The following KDM6A variants were observed in gnomAD, a reference collection of about 807,000 sequenced individuals.
KDM6A encodes the protein lysine-specific demethylase 6A.
In KDM6A, 11 loss-of-function variants were observed where a neutral mutation model predicts 117.6. The observed-to-expected ratio is 0.09, with a 90% CI of 0.06 to 0.15. KDM6A has a LOEUF of 0.15. Ranked by LOEUF, KDM6A falls within the 10% of genes least tolerant of loss-of-function variation. KDM6A has a pLI of 1.00. For missense variants in KDM6A, 799 were observed against 1,077.3 expected (o/e 0.74, Z 3.62); for synonymous variants, 384 against 396.1 (o/e 0.97, Z 0.36).
intron 7 of KDM6A, among the ~76,000 whole-genome samples, chrX:45,036,761 T>G (rs1431402767): frequency 8.9e-6 from 1 of 112,864 alleles, no homozygotes; most frequent in African/African-American, 3.2e-5. Flanking sequence ...AAGGTAACTT[T>G]GGTAAGTCAG....
chrX:44,985,516 T>G (rs769820487), intron 4 of KDM6A, among the ~76,000 whole-genome samples: 1 of 111,871 alleles, frequency 8.9e-6, no homozygotes, highest in African/African-American at 3.2e-5. Context: ...TTCCAGTTTT[T>G]GCCCATTCAG....
At chrX:45,033,873 T>G (rs1303192908) in intron 6 of KDM6A, among the ~76,000 whole-genome samples, 1 of 111,210 alleles carries the variant, frequency 9.0e-6, no homozygotes, top group East Asian at 2.8e-4. Flanking sequence ...CTTGAGTGAA[T>G]ACATTAATAA....
chrX:45,048,507 T>G (rs1465991541), intron 8 of KDM6A, among the ~76,000 whole-genome samples: 1 of 110,857 alleles, frequency 9.0e-6, no homozygotes, highest in East Asian at 2.8e-4. Flanking sequence ...ATGTGTGGAA[T>G]TTGGTGTTTC....
chrX:45,082,612 T>G lies in KDM6A; in HGVS notation c.3337T>G (p.Ser1113Ala). 1 of 1,194,465 alleles carries G rather than the reference T, an allele frequency of 8.4e-7. No individual in the cohort carries two copies. The highest frequency in any genetic ancestry group is 1.1e-6 in the Non-Finnish European group (1 of 880,907). Residue 1113 changes from serine (S) to alanine (A), a missense_variant, in exon 22 of 30, where the codon TCA becomes GCA. By Grantham distance (99) the Ser-to-Ala change is moderately conservative. This residue lies in a region of KDM6A where 291 missense variants were observed against 437.9 expected (regional missense o/e 0.66). Transcript: ENST00000611820. ...NEKRSHHKDH[S>A]DSESTSSDNS... ...AAAAAGAAGTCATCATAAAGACCACTCAGATAGTGAATCTACATCGTCAGA... is the reference window on the plus strand; with the variant it reads ...AAAAAGAAGTCATCATAAAGACCACGCAGATAGTGAATCTACATCGTCAGA...
At chrX:45,081,578 A>G (rs1476657953) in intron 21 of KDM6A, among the ~76,000 whole-genome samples, 1 of 111,358 alleles carries the variant, frequency 9.0e-6, no homozygotes, top group East Asian at 2.8e-4. Flanking sequence ...ATATATAGCT[A>G]TGTACACATA....
At chrX:44,874,513 CAT>C (rs1418774700) in intron 2 of KDM6A, among the ~76,000 whole-genome samples, 2 of 111,584 alleles carry the variant, frequency 1.8e-5, no homozygotes, top group Non-Finnish European at 3.8e-5. Flanking sequence ...GGGCTGTTGA[CAT>C]GTATCTCGAT....
chrX:44,934,923 T>C (rs1168015094), intron 2 of KDM6A, among the ~76,000 whole-genome samples: 2 of 111,837 alleles, frequency 1.8e-5, no homozygotes, highest in Non-Finnish European at 3.8e-5. Context: ...AAAAAAATGA[T>C]ATGTCTAGGG....
chrX:44,973,290 C>T (rs1425816154), intron 3 of KDM6A, among the ~76,000 whole-genome samples: 1 of 111,349 alleles, frequency 9.0e-6, no homozygotes, highest in Non-Finnish European at 1.9e-5. Flanking sequence ...GTCCTGGGAT[C>T]ACCCTTTTTC....
chrX:45,095,552 G>A (rs540974761), intron 27 of KDM6A, among the ~76,000 whole-genome samples: 1 of 111,809 alleles, frequency 8.9e-6, no homozygotes, highest in South Asian at 3.7e-4. Context: ...CAGTTTTGCC[G>A]TATAATTGTT....
At chrX:44,917,511 A>G in intron 2 of KDM6A, among the ~76,000 whole-genome samples, 1 of 111,689 alleles carries the variant, frequency 9.0e-6, no homozygotes, top group East Asian at 2.8e-4. Flanking sequence ...ATTCTTTTTC[A>G]TTTAAAAATG....
chrX:45,077,504 G>A (rs1372297314), intron 19 of KDM6A, among the ~76,000 whole-genome samples: 1 of 110,010 alleles, frequency 9.1e-6, no homozygotes, highest in African/African-American at 3.3e-5. Context: ...CTATAAAATG[G>A]TACTAGAGTT....
chrX:44,891,344 T>C (rs1294088417), intron 2 of KDM6A, among the ~76,000 whole-genome samples: 1 of 111,741 alleles, frequency 8.9e-6, no homozygotes. Context: ...TTGTTTTTGC[T>C]GTAGATGTTC....
chrX:44,974,778 C>T (rs111867147), intron 4 of KDM6A, 63 bp downstream of exon 4: 3 of 820,481 alleles, frequency 3.7e-6, no homozygotes, highest in Non-Finnish European at 5.5e-6. Flanking sequence ...GCCAATTATA[C>T]TCAAAATTAA....
At chrX:44,931,645 A>C (rs1441552682) in intron 2 of KDM6A, among the ~76,000 whole-genome samples, 1 of 111,563 alleles carries the variant, frequency 9.0e-6, no homozygotes, top group African/African-American at 3.3e-5. Context: ...CATATGAAGC[A>C]TCTAAAGTAG....
chrX:45,016,737 A>T (rs2041986852), intron 5 of KDM6A, among the ~76,000 whole-genome samples: 1 of 111,185 alleles, frequency 9.0e-6, no homozygotes, highest in Non-Finnish European at 1.9e-5. Context: ...TGACCTCATG[A>T]TCCACCCACC....
At chrX:44,917,399 C>T (rs1192061888) in intron 2 of KDM6A, among the ~76,000 whole-genome samples, 1 of 111,806 alleles carries the variant, frequency 8.9e-6, no homozygotes, top group Admixed American at 9.5e-5. Flanking sequence ...TCAACACACA[C>T]ATACCTTGAG....
In KDM6A at chrX:44,916,674, G is replaced by A. The variant is rs760394560; in HGVS notation, c.225+42687G>A. ...ATTATTTTTTTTATTTAGAGACCGG[G>A]TCTCACTGTCACCTAGGCTGGAGTG... On this transcript the variant is annotated intron_variant, in intron 2 of 29. Transcript: ENST00000611820. 7.3e-5 allele frequency among the ~76,000 whole-genome samples: 8 copies of A among 110,084 alleles called. No homozygotes were observed. The South Asian group carries it at 3.1e-3, about 43-fold the overall frequency.
chrX:45,073,275 A>T lies in KDM6A; in HGVS notation c.2858+2918A>T, dbSNP rs767644342. Among the ~76,000 whole-genome samples, 286 of 111,777 alleles carry T rather than the reference A, an allele frequency of 2.6e-3. 1 individual carries two copies. Among genetic ancestry groups the T allele is most frequent in the Non-Finnish European group, 4.7e-3 (250 of 53,113 alleles). On this transcript the variant is annotated intron_variant, in intron 18 of 29. Transcript: ENST00000611820. ...ATTTTCTTAATCCAGTCTATCATTG[A>T]TGGACATTTGGGTTGGTTCCAAGTC...
intron 4 of KDM6A, among the ~76,000 whole-genome samples, chrX:44,986,417 C>T (rs1278207254): frequency 9.0e-6 from 1 of 111,228 alleles, no homozygotes; most frequent in Non-Finnish European, 1.9e-5. Flanking sequence ...TCCTTCAGTT[C>T]TGCTCTGATC....
Sources: allele counts gnomAD v4.1 joint callset (sites outside exome capture counted in the v4.1 genomes callset), GRCh38; gene constraint gnomAD v4.1.1; regional missense constraint gnomAD v4.1.1; transcripts MANE v1.5; gene names NCBI Gene and HGNC (gene_info 2026-07-23, HGNC 2026-07-21).